The following HS6ST3 variants were observed in gnomAD, a reference collection of about 807,000 sequenced individuals.
The protein encoded by HS6ST3 is heparan-sulfate 6-O-sulfotransferase 3.
Under a neutral mutation model 36.7 loss-of-function variants are expected in HS6ST3, and 12 were observed. That is an observed-to-expected ratio of 0.33 (90% confidence interval 0.21 to 0.53). HS6ST3 has a LOEUF of 0.53. Ranked by LOEUF, HS6ST3 falls within the 20% of genes least tolerant of loss-of-function variation. The probability of loss-of-function intolerance (pLI) is 0.95; values close to 1 mark genes in which losing one functional copy is unlikely to be tolerated. For missense variants in HS6ST3, 584 were observed against 640.9 expected, an observed-to-expected ratio of 0.91 and a Z score of 0.96; for synonymous variants, 240 against 257.5, an observed-to-expected ratio of 0.93 and a Z score of 0.65.
intron 1 of HS6ST3, among the ~76,000 whole-genome samples, chr13:96,747,087 T>C (rs1427290552): frequency 6.6e-6 from 1 of 152,160 alleles, no homozygotes; most frequent in Non-Finnish European, 1.5e-5. Flanking sequence ...CTCCCAGATA[T>C]TCCATCCAGA....
At chr13:96,717,237 A>T (rs1394046587) in intron 1 of HS6ST3, among the ~76,000 whole-genome samples, 1 of 152,208 alleles carries the variant, frequency 6.6e-6, no homozygotes, top group East Asian at 1.9e-4. Context: ...AGATCATATG[A>T]TTCTGCTGTC....
At chr13:96,473,139 G>T (rs1266458982) in intron 1 of HS6ST3, among the ~76,000 whole-genome samples, 1 of 152,152 alleles carries the variant, frequency 6.6e-6, no homozygotes, top group Non-Finnish European at 1.5e-5. Flanking sequence ...CCTGAACATG[G>T]CGGTTTTAAT....
At chr13:96,256,244 C>A (rs9525173) in intron 1 of HS6ST3, among the ~76,000 whole-genome samples, 69,592 of 151,936 alleles carry the variant, frequency 0.46, 16,760 homozygotes, top group Admixed American at 0.57. Flanking sequence ...TAATAAGTGA[C>A]AGTAAAGGTT....
chr13:96,109,200 G>T (rs1471850862), intron 1 of HS6ST3, among the ~76,000 whole-genome samples: 1 of 152,138 alleles, frequency 6.6e-6, no homozygotes, highest in African/African-American at 2.4e-5. Flanking sequence ...CACAAGCATT[G>T]CCCGATACAT....
rs74959228 is a variant in HS6ST3 at position 96,392,639 on chromosome 13, A to T, written c.707+301070A>T. On this transcript the variant is annotated intron_variant, in intron 1 of 1. Transcript: ENST00000376705. ...TAGGAGAGAGCTTTGAATATACCAA[A>T]TGGGTGCGCAGTCTGTGCAAAGCCC... Among the ~76,000 whole-genome samples, 40 of 152,310 alleles carry T rather than the reference A, an allele frequency of 2.6e-4. No individual in the cohort carries two copies. In the East Asian group the frequency reaches 7.4e-3, roughly 28 times the overall value.
At chr13:96,419,671 G>T (rs2055553259) in intron 1 of HS6ST3, among the ~76,000 whole-genome samples, 1 of 152,174 alleles carries the variant, frequency 6.6e-6, no homozygotes, top group Admixed American at 6.5e-5. Context: ...CATAGGCCAT[G>T]CTCCCTCTAA....
intron 1 of HS6ST3, among the ~76,000 whole-genome samples, chr13:96,698,009 T>G (rs1031404654): frequency 4.6e-5 from 7 of 152,152 alleles, no homozygotes; most frequent in African/African-American, 1.4e-4. Context: ...CAGAGAAGGA[T>G]GTAATATGTT....
At chr13:96,507,553 C>T (rs1336100) in intron 1 of HS6ST3, among the ~76,000 whole-genome samples, 123,753 of 151,534 alleles carry the variant, frequency 0.82, 51,587 homozygotes, top group Non-Finnish European at 0.9. Context: ...CGGGCATAGA[C>T]AGCTTGTTGC....
At chr13:96,765,557 C>T (rs1162486520) in intron 1 of HS6ST3, among the ~76,000 whole-genome samples, 2 of 151,286 alleles carry the variant, frequency 1.3e-5, no homozygotes, top group Non-Finnish European at 2.9e-5. Flanking sequence ...TTGAAAGTTT[C>T]TGTGAACAGA....
rs1187675033 is a variant in HS6ST3, at chr13:96,760,481, T to C, written c.708-72009T>C. ...TCCAACCTTATAACATTTACGTTGT[T>C]CTGTAAAAAAAAAAATGCTTTGTAT... On this transcript the variant is annotated intron_variant, in intron 1 of 1. Transcript: ENST00000376705. Among the ~76,000 whole-genome samples, 4 of 139,430 alleles carry C rather than the reference T, an allele frequency of 2.9e-5. No homozygotes were observed. In the South Asian group the frequency reaches 6.6e-4, roughly 23 times the overall value. 91.5% of individuals were successfully genotyped at this position (139,430 alleles called of 152,430 possible). A position where few individuals can be genotyped will look rare whatever the true frequency, so the allele number is the denominator to read the frequency against.
chr13:96,263,165 A>C (rs1307665779), intron 1 of HS6ST3, among the ~76,000 whole-genome samples: 1 of 152,188 alleles, frequency 6.6e-6, no homozygotes, highest in Non-Finnish European at 1.5e-5. Context: ...ATATATGTGA[A>C]TTCTACTGGT....
chr13:96,831,977 A>C (rs9652108), intron 1 of HS6ST3, among the ~76,000 whole-genome samples: 263 of 115,990 alleles, frequency 2.3e-3, no homozygotes, highest in Middle Eastern at 9.3e-3. Context: ...AAAAAAAAAA[A>C]AAACAGAGAT....
chr13:96,490,895 C>T (rs755373000), intron 1 of HS6ST3, among the ~76,000 whole-genome samples: 1 of 152,252 alleles, frequency 6.6e-6, no homozygotes, highest in African/African-American at 2.4e-5. Flanking sequence ...GCAATCAATA[C>T]TGAGTCACAT....
chr13:96,356,957 C>A (rs1370885981), intron 1 of HS6ST3, among the ~76,000 whole-genome samples: 1 of 152,162 alleles, frequency 6.6e-6, no homozygotes, highest in Non-Finnish European at 1.5e-5. Flanking sequence ...TAACTTGCTT[C>A]AGCATCTCCA....
intron 1 of HS6ST3, among the ~76,000 whole-genome samples, chr13:96,687,123 A>C (rs1027192747): frequency 2.4e-4 from 36 of 151,280 alleles, no homozygotes; most frequent in African/African-American, 8.7e-4. Context: ...TGGTGGCAAA[A>C]TGTTCATTTT....
chr13:96,799,978 A>ATG (rs1271938428), intron 1 of HS6ST3, among the ~76,000 whole-genome samples: 10 of 88,754 alleles, frequency 1.1e-4, no homozygotes, highest in African/African-American at 3.9e-4. Context: ...ATATATATAT[A>ATG]TATGTATATA....
At chr13:96,585,685 C>T (rs1178428805) in intron 1 of HS6ST3, among the ~76,000 whole-genome samples, 5 of 152,148 alleles carry the variant, frequency 3.3e-5, no homozygotes, top group Admixed American at 3.3e-4. Context: ...TTTGGTTCCA[C>T]ATGTAAGTGA....
rs1347991181 is a variant in HS6ST3 at position 96,744,039 on chromosome 13, T to C, written c.708-88451T>C. The stretch of plus-strand genomic sequence containing the variant: ...TGTGATTTTTTTATTTTAATTCTCA[T>C]TTAAAGAATATTTCTATAAGTCACA... On this transcript the variant is annotated intron_variant, in intron 1 of 1. Coordinates refer to ENST00000376705, the MANE Select transcript of HS6ST3 (RefSeq NM_153456.4). Among the ~76,000 whole-genome samples the C allele has an allele frequency of 2.0e-5, 3 of 152,202 alleles. No homozygotes were observed. In the East Asian group the frequency reaches 5.8e-4, roughly 29 times the overall value.
chr13:96,332,127 G>C (rs2055073835), intron 1 of HS6ST3, among the ~76,000 whole-genome samples: 1 of 152,198 alleles, frequency 6.6e-6, no homozygotes, highest in Admixed American at 6.5e-5. Context: ...TGGAAATGCA[G>C]AAATCACCTG....
Sources: gnomAD v4.1 joint callset for allele counts (sites outside exome capture counted in the v4.1 genomes callset) on GRCh38, gnomAD v4.1.1 for gene constraint, MANE v1.5 for transcripts, NCBI Gene and HGNC (gene_info 2026-07-23, HGNC 2026-07-21) for gene names.